Variants in CCBE1 observed in about 807,000 individuals in gnomAD.
CCBE1 encodes collagen and calcium-binding EGF domain-containing protein 1.
In CCBE1, 37 loss-of-function variants were observed where a neutral mutation model predicts 50.0. That is an observed-to-expected ratio of 0.74 (90% CI 0.57 to 0.97). The LOEUF (loss-of-function observed/expected upper bound fraction) is 0.97. Ranked by LOEUF, CCBE1 falls within the 50% of genes least tolerant of loss-of-function variation. The pLI is 0.00. For missense variants in CCBE1, 538 were observed against 523.8 expected (o/e 1.03, Z -0.26); for synonymous variants, 234 against 203.7 (o/e 1.15, Z -1.27).
intron 2 of CCBE1, among the ~76,000 whole-genome samples, chr18:59,593,079 G>A (rs1159127474): frequency 6.6e-6 from 1 of 152,190 alleles, no homozygotes; most frequent in Non-Finnish European, 1.5e-5. Flanking sequence ...AAGGGTTTGT[G>A]CTTTAGGACA....
At position 59,456,677 on chromosome 18, in the gene CCBE1, A is replaced by C. The variant is rs56040248; in HGVS notation, c.554-1726T>G. On this transcript the variant is annotated intron_variant, in intron 5 of 10. Transcript: ENST00000439986. Reference sequence around the variant, plus strand: ...GGCATTTTGCTATGGCAACCCTAGGAAACAGACACTTGAATGGATGGAGGG... The same window carrying C: ...GGCATTTTGCTATGGCAACCCTAGGCAACAGACACTTGAATGGATGGAGGG... 9.7e-3 allele frequency among the ~76,000 whole-genome samples: 1,477 copies of C among 152,326 alleles called. 13 individuals are homozygous for C. Among genetic ancestry groups the C allele is most frequent in the South Asian group, 0.017 (80 of 4,826 alleles).
At chr18:59,626,255 T>C (rs2053783301) in intron 2 of CCBE1, among the ~76,000 whole-genome samples, 1 of 152,238 alleles carries the variant, frequency 6.6e-6, no homozygotes, top group African/African-American at 2.4e-5. Context: ...CGTTTATTTA[T>C]GGAACCCCAC....
chr18:59,505,907 T>C (rs973330503), intron 2 of CCBE1, among the ~76,000 whole-genome samples: 1 of 152,024 alleles, frequency 6.6e-6, no homozygotes, highest in Non-Finnish European at 1.5e-5. Context: ...TAAAGAAGGG[T>C]TGTTTACAAG....
At chr18:59,441,151 T>C (rs1423214562) in intron 7 of CCBE1, among the ~76,000 whole-genome samples, 1 of 152,192 alleles carries the variant, frequency 6.6e-6, no homozygotes, top group African/African-American at 2.4e-5. Context: ...GTGATAACCA[T>C]GTGCCTCAGT....
At chr18:59,524,999 T>C (rs1944994) in intron 2 of CCBE1, among the ~76,000 whole-genome samples, 54,863 of 151,960 alleles carry the variant, frequency 0.36, 10,130 homozygotes, top group Non-Finnish European at 0.38. Flanking sequence ...GGGTTGATTC[T>C]GTGTCTTTGC....
chr18:59,648,719 A>G (rs996370673), intron 2 of CCBE1, among the ~76,000 whole-genome samples: 1 of 152,292 alleles, frequency 6.6e-6, no homozygotes, highest in Admixed American at 6.5e-5. Context: ...CGAAAAAGAC[A>G]CAGGTATCAG....
chr18:59,474,023 A>G (rs530409812), intron 3 of CCBE1, among the ~76,000 whole-genome samples: 10 of 152,312 alleles, frequency 6.6e-5, no homozygotes, highest in South Asian at 2.1e-4. Flanking sequence ...TTTGCTTAGG[A>G]TTATAGCCTC....
intron 2 of CCBE1, among the ~76,000 whole-genome samples, chr18:59,616,354 A>T (rs996114787): frequency 2.0e-5 from 3 of 152,248 alleles, no homozygotes; most frequent in African/African-American, 7.2e-5. Flanking sequence ...GAGACCCCAG[A>T]TGTGATTAAC....
chr18:59,603,625 G>A (rs141820083), intron 2 of CCBE1, among the ~76,000 whole-genome samples: 1,676 of 152,284 alleles, frequency 0.011, 12 homozygotes, highest in Middle Eastern at 0.017. Context: ...AATCCAGCAA[G>A]AACACAAAAT....
intron 2 of CCBE1, among the ~76,000 whole-genome samples, chr18:59,517,109 G>A (rs1042175999): frequency 6.6e-6 from 1 of 152,218 alleles, no homozygotes; most frequent in African/African-American, 2.4e-5. Flanking sequence ...GGTGGGACAG[G>A]TCATTGGAGG....
intron 2 of CCBE1, among the ~76,000 whole-genome samples, chr18:59,529,503 A>T (rs985114427): frequency 3.3e-5 from 5 of 152,156 alleles, no homozygotes; most frequent in African/African-American, 1.2e-4. Context: ...TCATGAAGGG[A>T]ACTCCTGATC....
chr18:59,554,065 C>G (rs7506142), intron 2 of CCBE1, among the ~76,000 whole-genome samples: 1 of 152,056 alleles, frequency 6.6e-6, no homozygotes, highest in Non-Finnish European at 1.5e-5. Flanking sequence ...AGCAGTGGTG[C>G]GATCACAACT....
chr18:59,581,439 C>A (rs1381715769), intron 2 of CCBE1, among the ~76,000 whole-genome samples: 108 of 133,222 alleles, frequency 8.1e-4, no homozygotes, highest in African/African-American at 8.7e-4. Flanking sequence ...GACTCCATCT[C>A]AAAAAAAAAA....
In CCBE1 at chr18:59,462,252, A is replaced by C. The variant is rs182929179; in HGVS notation, c.553+4487T>G. The stretch of plus-strand genomic sequence containing the variant: ...TGGACTCCGGCCGCTTCATCTGCTG[A>C]TATCAACATCCTTGCCTGAACGTTG... On this transcript the variant is annotated intron_variant, in intron 5 of 10. Coordinates refer to ENST00000439986, the MANE Select transcript of CCBE1 (RefSeq NM_133459.4). 3.0e-3 allele frequency among the ~76,000 whole-genome samples: 459 copies of C among 152,256 alleles called. 2 individuals are homozygous for C. Among genetic ancestry groups the C allele is most frequent in the South Asian group, 0.011 (53 of 4,816 alleles).
intron 7 of CCBE1, among the ~76,000 whole-genome samples, chr18:59,444,333 G>A (rs1910578098): frequency 6.6e-6 from 1 of 151,860 alleles, no homozygotes; most frequent in African/African-American, 2.4e-5. Flanking sequence ...TTTTAGTTAG[G>A]GTCTCTGTTG....
intron 7 of CCBE1, among the ~76,000 whole-genome samples, chr18:59,447,552 G>A (rs1303785692): frequency 6.6e-6 from 1 of 152,162 alleles, no homozygotes; most frequent in East Asian, 1.9e-4. Flanking sequence ...AACAAATAAG[G>A]AAAGGTGGAA....
At chr18:59,500,605 G>A (rs1380174686) in intron 2 of CCBE1, among the ~76,000 whole-genome samples, 1 of 152,136 alleles carries the variant, frequency 6.6e-6, no homozygotes, top group Non-Finnish European at 1.5e-5. Flanking sequence ...GCTCTGCCTA[G>A]ACCCACAGTT....
chr18:59,532,958 C>A (rs1915107782), intron 2 of CCBE1, among the ~76,000 whole-genome samples: 1 of 152,186 alleles, frequency 6.6e-6, no homozygotes, highest in Non-Finnish European at 1.5e-5. Context: ...TGGCCACAGG[C>A]TTTAGAACCT....
At chr18:59,621,693 A>C (rs1268948809) in intron 2 of CCBE1, among the ~76,000 whole-genome samples, 2 of 152,204 alleles carry the variant, frequency 1.3e-5, no homozygotes, top group African/African-American at 2.4e-5. Context: ...GCAAACTCAT[A>C]TCTCTCCGAC....
Sources: allele counts gnomAD v4.1 joint callset (sites outside exome capture counted in the v4.1 genomes callset), GRCh38; gene constraint gnomAD v4.1.1; transcripts MANE v1.5; gene names NCBI Gene and HGNC (gene_info 2026-07-23, HGNC 2026-07-21).